The following DOCK2 variants were observed in gnomAD, a reference collection of about 807,000 sequenced individuals.
DOCK2 encodes the protein dedicator of cytokinesis protein 2.
In DOCK2, 87 loss-of-function variants were observed where a neutral mutation model predicts 248.9. That is an observed-to-expected ratio of 0.35 (90% CI 0.29 to 0.42). The LOEUF is 0.42. DOCK2 is among the 10% of genes least tolerant of loss of function. The pLI is 1.00. For synonymous variants in DOCK2, 805 were observed against 821.6 expected (o/e 0.98, Z 0.35); for missense variants, 1,747 against 2,300.2 (o/e 0.76, Z 4.92).
chr5:170,027,691 C>A (rs1475707758), intron 33 of DOCK2, among the ~76,000 whole-genome samples, 172 bp from the exon 34 acceptor site: 2 of 152,174 alleles, frequency 1.3e-5, no homozygotes, highest in Admixed American at 6.5e-5. Context: ...ACTCTCTGGG[C>A]ACTCCAAAAA....
At chr5:170,069,719 A>G (rs1757614352) in intron 46 of DOCK2, among the ~76,000 whole-genome samples, 1 of 152,124 alleles carries the variant, frequency 6.6e-6, no homozygotes, top group African/African-American at 2.4e-5. Flanking sequence ...TGTGAGTCAA[A>G]GGGTCTACAT....
intron 29 of DOCK2, among the ~76,000 whole-genome samples, chr5:169,993,719 A>G (rs1778266830): frequency 6.6e-6 from 1 of 152,220 alleles, no homozygotes; most frequent in Non-Finnish European, 1.5e-5. Context: ...GGACCACCCA[A>G]AATCCACTGG....
intron 27 of DOCK2, among the ~76,000 whole-genome samples, chr5:169,893,026 A>G (rs895895091): frequency 6.7e-6 from 1 of 150,020 alleles, no homozygotes; most frequent in African/African-American, 2.5e-5. Context: ...CTCTTCCTTC[A>G]TTTCTTTTGT....
At chr5:169,929,391 G>A (rs987671352) in intron 27 of DOCK2, among the ~76,000 whole-genome samples, 2 of 152,000 alleles carry the variant, frequency 1.3e-5, no homozygotes, top group East Asian at 1.9e-4. Context: ...CCCGGCAAAC[G>A]ATATACAGAA....
At chr5:169,663,865 A>C (rs552252755) in intron 2 of DOCK2, among the ~76,000 whole-genome samples, 2 of 152,266 alleles carry the variant, frequency 1.3e-5, no homozygotes, top group South Asian at 2.1e-4. Flanking sequence ...TTTCCCTACT[A>C]TCTTGGCTGT....
At chr5:169,909,223 AT>A (rs1774459314) in intron 27 of DOCK2, among the ~76,000 whole-genome samples, 1 of 152,196 alleles carries the variant, frequency 6.6e-6, no homozygotes, top group South Asian at 2.1e-4. Flanking sequence ...AGCTATCTAA[AT>A]TTAAATTAAT....
intron 27 of DOCK2, among the ~76,000 whole-genome samples, chr5:169,903,099 A>G (rs914957629): frequency 8.6e-5 from 13 of 151,826 alleles, no homozygotes; most frequent in African/African-American, 3.1e-4. Context: ...TCCATCTCAA[A>G]AAAAAAAGAA....
At chr5:169,948,966 A>G (rs2113720841) in intron 27 of DOCK2, among the ~76,000 whole-genome samples, 1 of 152,272 alleles carries the variant, frequency 6.6e-6, no homozygotes, top group Non-Finnish European at 1.5e-5. Context: ...AGAATATCCT[A>G]TACTTTTTTA....
At chr5:169,732,454 C>T (rs1295647357) in intron 22 of DOCK2, among the ~76,000 whole-genome samples, 1 of 152,176 alleles carries the variant, frequency 6.6e-6, no homozygotes, top group East Asian at 1.9e-4. Flanking sequence ...ACCTCTTCAC[C>T]AAGTTCCAGA....
chr5:170,058,859 C>T (rs1581564483), intron 44 of DOCK2, among the ~76,000 whole-genome samples: 2 of 152,324 alleles, frequency 1.3e-5, no homozygotes, highest in South Asian at 2.1e-4. Flanking sequence ...AACCCAGCAG[C>T]TCAGTAGCCC....
chr5:169,735,336 C>G (rs1426177156), intron 22 of DOCK2, among the ~76,000 whole-genome samples: 1 of 152,214 alleles, frequency 6.6e-6, no homozygotes, highest in African/African-American at 2.4e-5. Flanking sequence ...TTCAGCTCCT[C>G]TGATTCTCTC....
At position 169,939,998 on chromosome 5, in the gene DOCK2, G is replaced by A. The variant is rs371843402; in HGVS notation, c.2800-43070G>A. On this transcript the variant is annotated intron_variant, in intron 27 of 51. Coordinates refer to ENST00000520908, the MANE Select transcript of DOCK2 (RefSeq NM_004946.3). ...TATGAAGAGGCAGAGTCATCTTTCA[G>A]ATCTTACCTCCAAACCCCAACACCT... Among the ~76,000 whole-genome samples the A allele has an allele frequency of 1.6e-3, 241 of 152,312 alleles. 4 individuals carry two copies. In the South Asian group the frequency reaches 0.043, roughly 27 times the overall value.
Position 169,637,359 on chromosome 5 carries a change from G to A in DOCK2, c.33G>A (p.Arg11=). 1 of 1,430,012 alleles carries A rather than the reference G, an allele frequency of 7.0e-7. No individual in the cohort carries two copies. Among genetic ancestry groups the A allele is most frequent in the Non-Finnish European group, 9.2e-7 (1 of 1,092,794 alleles). The allele number at this position is 1,430,012 out of a possible 1,614,324, so 88.6% of individuals were successfully genotyped here. Residue 11 remains arginine (R), a synonymous_variant, in exon 1 of 52, where the codon CGG becomes CGA. Coordinates refer to ENST00000520908, the MANE Select transcript of DOCK2 (RefSeq NM_004946.3). MAPWRKADKE[R]HGVAIYNFQG... is the part of the protein sequence containing the mutation. ...CCTGGCGCAAAGCTGACAAGGAGCG[G>A]CACGGCGTGGGTAGGTGCGGGCCCC...
chr5:169,708,674 C>G (rs1392709178), intron 15 of DOCK2, among the ~76,000 whole-genome samples: 1 of 151,838 alleles, frequency 6.6e-6, no homozygotes, highest in Non-Finnish European at 1.5e-5. Context: ...TAGTGATTCT[C>G]CTGTCTCAGC....
intron 38 of DOCK2, among the ~76,000 whole-genome samples, chr5:170,044,961 G>T (rs960837838): frequency 6.6e-6 from 1 of 151,974 alleles, no homozygotes; most frequent in African/African-American, 2.4e-5. Flanking sequence ...GACCTCCTTC[G>T]GTCTAAGAGA....
At chr5:169,996,201 C>T (rs1461805773) in intron 30 of DOCK2, 37 bp downstream of exon 30, 1 of 1,602,060 alleles carries the variant, frequency 6.2e-7, no homozygotes, top group Non-Finnish European at 8.5e-7. Context: ...TTGGAGCTGC[C>T]CAGGGCGTCT....
chr5:169,674,251 A>AT (rs1328397361), intron 5 of DOCK2, 46 bp from the exon 6 acceptor site: 18 of 1,604,880 alleles, frequency 1.1e-5, no homozygotes, highest in Non-Finnish European at 1.4e-5. Context: ...ATAGATGGTC[A>AT]TGCCCCTTTA....
intron 27 of DOCK2, among the ~76,000 whole-genome samples, chr5:169,980,113 G>T (rs942493890): frequency 6.6e-6 from 1 of 152,050 alleles, no homozygotes; most frequent in Non-Finnish European, 1.5e-5. Flanking sequence ...TTCTGACAAT[G>T]GTGGATTTTC....
At chr5:169,922,018 ATTATT>A (rs1453966656) in intron 27 of DOCK2, among the ~76,000 whole-genome samples, 1 of 152,164 alleles carries the variant, frequency 6.6e-6, no homozygotes, top group African/African-American at 2.4e-5. Flanking sequence ...CTGGGCAAAT[ATTATT>A]TTAAGAGCTT....
Sources: gnomAD v4.1 joint callset for allele counts (sites outside exome capture counted in the v4.1 genomes callset) on GRCh38, gnomAD v4.1.1 for gene constraint, MANE v1.5 for transcripts, NCBI Gene and HGNC (gene_info 2026-07-23, HGNC 2026-07-21) for gene names.